The following METTL13 variants were observed in gnomAD, a reference collection of about 807,000 sequenced individuals.
The protein encoded by METTL13 is methyltransferase 13, eEF1A N-terminus and K55.
A neutral mutation model predicts 67.4 loss-of-function variants in METTL13; 52 were observed. That is an observed-to-expected ratio of 0.77 (90% CI 0.62 to 0.97). METTL13 has a LOEUF of 0.97. Among genes scored for constraint, METTL13 ranks in the 50% least tolerant of loss-of-function variants. The pLI is 0.00. For missense variants in METTL13, 825 were observed against 889.6 expected (o/e 0.93, Z 0.92); for synonymous variants, 354 against 353.6 (o/e 1.00, Z -0.01).
Position 171,792,248 on chromosome 1 carries a change from G to A in METTL13, c.1693+13G>A. ...GGAGGAGGAGAAGGTACTGCTCTTG[G>A]AGCATTTGAAGGGGTGTTGAGGGAT... On this transcript the variant is annotated intron_variant, in intron 6 of 7. Transcript: ENST00000361735. 6.2e-7 allele frequency: 1 copy of A among 1,614,000 alleles called. No homozygotes were observed. Among genetic ancestry groups the A allele is most frequent in the Non-Finnish European group, 8.5e-7 (1 of 1,179,954 alleles).
At chr1:171,785,290 G>A (rs1187633218) in intron 2 of METTL13, among the ~76,000 whole-genome samples, 1 of 152,172 alleles carries the variant, frequency 6.6e-6, no homozygotes. Context: ...TATGGTCTTG[G>A]TGTTACGGTA....
At chr1:171,782,810 A>G (rs1656871143) in intron 1 of METTL13, among the ~76,000 whole-genome samples, 1 of 152,216 alleles carries the variant, frequency 6.6e-6, no homozygotes, top group Non-Finnish European at 1.5e-5. Context: ...GAGCATTAAG[A>G]CGTAAACCCT....
intron 3 of METTL13, among the ~76,000 whole-genome samples, chr1:171,786,382 G>A (rs1169996972): frequency 6.6e-6 from 1 of 152,100 alleles, no homozygotes; most frequent in Non-Finnish European, 1.5e-5. Flanking sequence ...CTCTGACTGT[G>A]GATTTCTCCT....
Position 171,785,987 on chromosome 1 carries a change from G to A in METTL13, c.1022G>A (p.Gly341Asp). 6.2e-7 allele frequency: 1 copy of A among 1,614,018 alleles called. No individual in the cohort carries two copies. The highest frequency in any genetic ancestry group is 8.5e-7 in the Non-Finnish European group (1 of 1,179,974). ...RRLITVALHRGQQYESMDHIQ... is the reference protein window; with the variant it reads ...RRLITVALHRDQQYESMDHIQ... Reference sequence around the variant, plus strand: ...TTGATTACAGTGGCCCTTCACCGAGGTCAGCAGTATGAAAGCATGGACCAC... The same window carrying A: ...TTGATTACAGTGGCCCTTCACCGAGATCAGCAGTATGAAAGCATGGACCAC... The change falls in exon 3 of 8, where the codon GGT (glycine) becomes GAT (aspartate). Residue 341 changes from glycine to aspartate, a missense_variant. Coordinates refer to ENST00000361735, the MANE Select transcript of METTL13 (RefSeq NM_015935.5).
intron 1 of METTL13, among the ~76,000 whole-genome samples, chr1:171,782,763 C>G (rs919006028): frequency 6.6e-6 from 1 of 152,058 alleles, no homozygotes; most frequent in Non-Finnish European, 1.5e-5. Flanking sequence ...TTGAGTGCGC[C>G]CCAAGTTTCA....
At chr1:171,785,856 T>C (rs1221376281) in intron 2 of METTL13, 23 bp from the exon 3 acceptor site, 2 of 1,609,678 alleles carry the variant, frequency 1.2e-6, no homozygotes, top group Non-Finnish European at 1.7e-6. Context: ...CAGGACTCCC[T>C]GTAACCAAGT....
chr1:171,796,835 C>T lies in METTL13; in HGVS notation c.*79C>T, dbSNP rs1571174082. On this transcript the variant is annotated 3_prime_UTR_variant, in exon 8 of 8. Coordinates refer to ENST00000361735, the MANE Select transcript of METTL13 (RefSeq NM_015935.5). The stretch of plus-strand genomic sequence containing the variant: ...CCAGAGAATGAAGAAATACAACGCA[C>T]AGTACTTTTGAAGCTTCGTATTTTT... The T allele has an allele frequency of 1.3e-6, 2 of 1,523,720 alleles. No homozygotes were observed. The highest frequency in any genetic ancestry group is 2.3e-5 in the East Asian group (1 of 44,206). The allele number at this position is 1,523,720 out of a possible 1,614,324, so 94.4% of individuals were successfully genotyped here.
At position 171,794,456 on chromosome 1, in the gene METTL13, T is replaced by A. The variant is rs761337698; in HGVS notation, c.1754T>A (p.Met585Lys). ...GACAGTAAGGACCCAACACTGGGAA[T>A]GAGTTGTCCGCCCCCAGCATTTGTG... ...DVDSKDPTLG[M>K]SCPPPAFVEQ... The change falls in exon 7 of 8, where the codon ATG becomes AAG. Residue 585 changes from methionine (M) to lysine (K), a missense_variant. By Grantham distance (95) the Met-to-Lys change is moderately conservative. Transcript: ENST00000361735. 3.1e-6 allele frequency: 5 copies of A among 1,614,226 alleles called. No homozygotes were observed. Among genetic ancestry groups the A allele is most frequent in the Non-Finnish European group, 3.4e-6 (4 of 1,180,032 alleles).
chr1:171,785,828 G>T, intron 2 of METTL13, 51 bp from the exon 3 acceptor site: 3 of 1,588,922 alleles, frequency 1.9e-6, no homozygotes, highest in Non-Finnish European at 2.6e-6. Context: ...CATATTGGTT[G>T]TGGGCTTGAT....
At chr1:171,786,602 C>T (rs1349814930) in intron 3 of METTL13, among the ~76,000 whole-genome samples, 1 of 152,172 alleles carries the variant, frequency 6.6e-6, no homozygotes, top group Non-Finnish European at 1.5e-5. Context: ...ATCCTGGTCA[C>T]CATGGGTAAC....
rs771271201 is a variant in METTL13 at position 171,796,663 on chromosome 1, C to T, written c.2007C>T (p.Ala669=). 5.6e-6 allele frequency: 9 copies of T among 1,614,026 alleles called. No individual in the cohort carries two copies. The highest frequency in any genetic ancestry group is 1.3e-5 in the African/African-American group (1 of 74,920). The change falls in exon 8 of 8, where the codon GCC becomes GCT. Residue 669 remains alanine (A), a synonymous_variant. Coordinates refer to ENST00000361735, the MANE Select transcript of METTL13 (RefSeq NM_015935.5). The stretch of plus-strand genomic sequence containing the variant: ...CCACACCAGAGCTCCTAGAAACAGC[C>T]CAGGCTTTGGAGCGGACCCTGAGGA... ...KLATPELLET[A]QALERTLRKP...
chr1:171,791,332 T>TA (rs1236166991), intron 5 of METTL13, among the ~76,000 whole-genome samples: 1 of 152,208 alleles, frequency 6.6e-6, no homozygotes, highest in Non-Finnish European at 1.5e-5. Flanking sequence ...GGCTTACCCT[T>TA]ACTTGGTGAG....
intron 7 of METTL13, 53 bp downstream of exon 7, chr1:171,794,580 A>G: frequency 1.2e-6 from 2 of 1,606,502 alleles, no homozygotes; most frequent in South Asian, 1.1e-5. Context: ...ATTAACAAAA[A>G]TTATCTTTTT....
intron 5 of METTL13, 130 bp from the exon 6 acceptor site, chr1:171,791,886 AG>A (rs763267105): frequency 5.5e-5 from 45 of 825,158 alleles, no homozygotes; most frequent in Non-Finnish European, 8.5e-5. Flanking sequence ...GAAATGAGAC[AG>A]GGAGACCTCT....
intron 5 of METTL13, 37 bp downstream of exon 5, chr1:171,790,653 A>G (rs781617129): frequency 4.8e-6 from 7 of 1,467,230 alleles, no homozygotes; most frequent in Non-Finnish European, 6.3e-6. Context: ...AGAAGGGAGC[A>G]TAAAGATTAC....
intron 6 of METTL13, 52 bp downstream of exon 6, chr1:171,792,287 T>C: frequency 6.2e-7 from 1 of 1,601,672 alleles, no homozygotes; most frequent in East Asian, 2.2e-5. Context: ...TGATGCGACA[T>C]TGTCAGGCCC....
chr1:171,785,456 G>A (rs956556034), intron 2 of METTL13, among the ~76,000 whole-genome samples: 2 of 152,228 alleles, frequency 1.3e-5, no homozygotes, highest in Non-Finnish European at 2.9e-5. Context: ...CTTATTGTGC[G>A]AAGTTGGGCA....
In METTL13 at chr1:171,783,946, C is replaced by A; in HGVS notation, c.360C>A (p.Asp120Glu). Reference sequence around the variant, plus strand: ...ATGCCTCGTTCCAGGTGGTGTTGGACAAGGGCACCCTGGATGCTGTCCTGA... The same window carrying A: ...ATGCCTCGTTCCAGGTGGTGTTGGAAAAGGGCACCCTGGATGCTGTCCTGA... The part of the protein sequence containing the change: ...FPDASFQVVL[D>E]KGTLDAVLTD... The change falls in exon 2 of 8, where the codon GAC becomes GAA. Residue 120 changes from aspartate (D) to glutamate (E), a missense_variant. Asp to Glu is a conservative substitution (Grantham distance 45). Coordinates refer to ENST00000361735, the MANE Select transcript of METTL13 (RefSeq NM_015935.5). 1 of 1,614,214 alleles carries A rather than the reference C, an allele frequency of 6.2e-7. No individual in the cohort carries two copies. The highest frequency in any genetic ancestry group is 2.2e-5 in the East Asian group (1 of 44,876).
chr1:171,790,085 G>A (rs1435729934), intron 4 of METTL13, among the ~76,000 whole-genome samples: 1 of 152,202 alleles, frequency 6.6e-6, no homozygotes, highest in African/African-American at 2.4e-5. Flanking sequence ...AGGGAGACCA[G>A]GTACATCACA....
Sources: gnomAD v4.1 joint callset for allele counts (sites outside exome capture counted in the v4.1 genomes callset) on GRCh38, gnomAD v4.1.1 for gene constraint, MANE v1.5 for transcripts, NCBI Gene and HGNC (gene_info 2026-07-23, HGNC 2026-07-21) for gene names.